The following NAT1 variants were observed in gnomAD, a reference collection of about 807,000 sequenced individuals.
NAT1 encodes N-acetyltransferase 1.
For synonymous variants in NAT1, 144 were observed against 122.6 expected, an observed-to-expected ratio of 1.17 and a Z score of -1.16; for missense variants, 400 against 339.2, an observed-to-expected ratio of 1.18 and a Z score of -1.41.
chr8:18,191,968 C>G (rs975701231), intron 2 of NAT1, among the ~76,000 whole-genome samples: 4 of 152,018 alleles, frequency 2.6e-5, no homozygotes, highest in Admixed American at 2.0e-4. Context: ...GCAATGGCAA[C>G]AAAAGCCAAA....
intron 2 of NAT1, among the ~76,000 whole-genome samples, chr8:18,174,193 T>C (rs989590588): frequency 1.8e-4 from 27 of 152,164 alleles, no homozygotes; most frequent in African/African-American, 6.0e-4. Context: ...ATTAGCCACA[T>C]GAATGTCTGT....
chr8:18,204,080 C>T (rs568163421), intron 2 of NAT1, among the ~76,000 whole-genome samples: 1 of 152,180 alleles, frequency 6.6e-6, no homozygotes, highest in South Asian at 2.1e-4. Context: ...ATTTGTGAGC[C>T]CTTTGTAAAT....
chr8:18,178,713 G>A (rs1001675964), intron 2 of NAT1, among the ~76,000 whole-genome samples: 2 of 152,148 alleles, frequency 1.3e-5, no homozygotes, highest in Non-Finnish European at 2.9e-5. Flanking sequence ...CTTTGAGAGA[G>A]GAAGGAGTAG....
chr8:18,195,116 G>A (rs1305398515), intron 2 of NAT1, among the ~76,000 whole-genome samples: 1 of 152,174 alleles, frequency 6.6e-6, no homozygotes. Flanking sequence ...TCAAGACCAG[G>A]AGCCTCTGCA....
chr8:18,190,119 G>C (rs186282644), intron 2 of NAT1, among the ~76,000 whole-genome samples: 1 of 152,242 alleles, frequency 6.6e-6, no homozygotes, highest in African/African-American at 2.4e-5. Flanking sequence ...TCTAATATAT[G>C]TGTTTTAATT....
intron 2 of NAT1, among the ~76,000 whole-genome samples, chr8:18,199,420 C>T (rs1487500989): frequency 6.6e-6 from 1 of 151,946 alleles, no homozygotes; most frequent in Non-Finnish European, 1.5e-5. Context: ...GCCTGTTCTT[C>T]CTTCCTTTTG....
chr8:18,171,527 C>T (rs1014866399), intron 2 of NAT1, among the ~76,000 whole-genome samples: 1 of 152,148 alleles, frequency 6.6e-6, no homozygotes, highest in Non-Finnish European at 1.5e-5. Context: ...ATCTGTTAAC[C>T]TTTTGGCTCA....
intron 2 of NAT1, among the ~76,000 whole-genome samples, chr8:18,171,610 T>C (rs908543933): frequency 1.3e-5 from 2 of 152,062 alleles, no homozygotes; most frequent in Non-Finnish European, 2.9e-5. Context: ...ATAGCTAAGG[T>C]ATTTCTGCAC....
intron 2 of NAT1, among the ~76,000 whole-genome samples, chr8:18,172,503 C>G (rs1048450493): frequency 5.3e-5 from 8 of 152,136 alleles, no homozygotes; most frequent in Admixed American, 2.6e-4. Flanking sequence ...TCATGCAATC[C>G]ATGTACCAGT....
At chr8:18,205,976 G>A (rs987088734), upstream of NAT1, among the ~76,000 whole-genome samples, 2 of 152,170 alleles carry the variant, frequency 1.3e-5, no homozygotes, top group Admixed American at 1.3e-4. Flanking sequence ...AGGCTCCTAT[G>A]GGAGCAAGTG....
At chr8:18,203,834 T>A (rs1157180955) in intron 2 of NAT1, among the ~76,000 whole-genome samples, 2 of 152,180 alleles carry the variant, frequency 1.3e-5, no homozygotes, top group African/African-American at 4.8e-5. Flanking sequence ...CAAATCGTTT[T>A]CTAACAAAGA....
intron 2 of NAT1, among the ~76,000 whole-genome samples, chr8:18,171,019 T>C (rs1250371511): frequency 2.0e-5 from 3 of 152,176 alleles, no homozygotes; most frequent in South Asian, 2.1e-4. Flanking sequence ...GTTAACTAGA[T>C]TGGATCCAGT....
At chr8:18,219,000 T>A (rs2117406281) in intron 1 of NAT1, among the ~76,000 whole-genome samples, 1 of 147,460 alleles carries the variant, frequency 6.8e-6, no homozygotes, top group Non-Finnish European at 1.5e-5. Context: ...ATTATAGCTG[T>A]ACCTAGAGGA....
At chr8:18,216,245 G>T (rs573265573) in intron 1 of NAT1, among the ~76,000 whole-genome samples, 1 of 152,096 alleles carries the variant, frequency 6.6e-6, no homozygotes, top group Non-Finnish European at 1.5e-5. Flanking sequence ...ATTGCCAAAC[G>T]TTTTGGTTTT....
rs1227957075 is a variant in NAT1 at position 18,198,126 on chromosome 8, C to G, written n.93-11655C>G. On this transcript the variant is annotated intron_variant and non_coding_transcript_variant, in intron 2 of 4. Coordinates refer to the NAT1 transcript ENST00000517441. ...ACATTTTAAATTTATGGACCATTTC[C>G]TTGAATTGAAATTAACAGCAGAGAC... 2.0e-5 allele frequency among the ~76,000 whole-genome samples: 3 copies of G among 151,246 alleles called. No individual in the cohort carries two copies. The East Asian group carries it at 5.8e-4, about 29-fold the overall frequency.
intron 2 of NAT1, among the ~76,000 whole-genome samples, chr8:18,176,422 A>G (rs1802295789): frequency 6.6e-6 from 1 of 152,138 alleles, no homozygotes. Flanking sequence ...TGAGATAAGT[A>G]TATCCACATG....
At chr8:18,203,177 T>G (rs1029133341) in intron 2 of NAT1, among the ~76,000 whole-genome samples, 6 of 152,212 alleles carry the variant, frequency 3.9e-5, no homozygotes, top group East Asian at 1.9e-4. Flanking sequence ...TACGCTTGTA[T>G]GTATGTACAT....
At chr8:18,205,575 G>A (rs1803676975), upstream of NAT1, among the ~76,000 whole-genome samples, 1 of 152,122 alleles carries the variant, frequency 6.6e-6, no homozygotes, top group Non-Finnish European at 1.5e-5. Context: ...AGGAGTGGCA[G>A]ACTGTACTCC....
At chr8:18,174,179 C>T (rs1306513913) in intron 2 of NAT1, among the ~76,000 whole-genome samples, 2 of 152,116 alleles carry the variant, frequency 1.3e-5, no homozygotes, top group African/African-American at 2.4e-5. Context: ...AAGTGTATGA[C>T]TAGATTAGCC....
Sources: allele counts gnomAD v4.1 joint callset (sites outside exome capture counted in the v4.1 genomes callset), GRCh38; gene constraint gnomAD v4.1.1; transcripts MANE v1.5; gene names NCBI Gene and HGNC (gene_info 2026-07-23, HGNC 2026-07-21).